NMT2: variants seen among roughly 807,000 people sequenced by gnomAD.
NMT2 encodes N-myristoyltransferase 2.
Under a neutral mutation model 65.4 loss-of-function variants are expected in NMT2, and 35 were observed. That is an observed-to-expected ratio of 0.54 (90% CI 0.41 to 0.71). NMT2 has a LOEUF of 0.71. NMT2 is among the 30% of genes least tolerant of loss of function. The probability of loss-of-function intolerance (pLI) is 0.00; values close to 1 mark genes in which losing one functional copy is unlikely to be tolerated. For missense variants in NMT2, 489 were observed against 611.3 expected, an observed-to-expected ratio of 0.80 and a Z score of 2.11; for synonymous variants, 226 against 231.8, an observed-to-expected ratio of 0.98 and a Z score of 0.23.
chr10:15,127,408 A>G lies in NMT2; in HGVS notation c.999+942T>C, dbSNP rs1277035821. On this transcript the variant is annotated intron_variant, in intron 8 of 11. Transcript: ENST00000378165. ...TAAAAATACAAAAAATTAGCCGGGC[A>G]TGCTGGCGGGCGCCTATAGTCCCAG... is the stretch of plus-strand genomic sequence containing the variant. Among the ~76,000 whole-genome samples the G allele has an allele frequency of 3.4e-5, 5 of 148,792 alleles. 1 individual carries two copies. The highest frequency in any genetic ancestry group is 6.7e-5 in the Admixed American group (1 of 14,896).
chr10:15,155,535 GTTTTTTTTTTTTTTTT>G (rs71390015), intron 1 of NMT2, among the ~76,000 whole-genome samples: 3 of 59,336 alleles, frequency 5.1e-5, no homozygotes, highest in East Asian at 6.3e-4. Context: ...TGCCGGGCTA[GTTTTTTTTTTTTTTTT>G]TTTTTTTTTT....
At chr10:15,113,463 C>CAAAA (rs1169255963) in intron 9 of NMT2, among the ~76,000 whole-genome samples, 415 of 36,226 alleles carry the variant, frequency 0.011, 2 homozygotes, top group Middle Eastern at 0.02. Context: ...GGATGAGACT[C>CAAAA]AAAAAAAAAA....
chr10:15,117,251 C>A (rs1845776240), intron 9 of NMT2, among the ~76,000 whole-genome samples: 1 of 152,078 alleles, frequency 6.6e-6, no homozygotes, highest in Admixed American at 6.6e-5. Flanking sequence ...CATTTGAAAA[C>A]CAATCAATGT....
At chr10:15,163,416 A>G (rs141867214) in intron 1 of NMT2, among the ~76,000 whole-genome samples, 1 of 152,366 alleles carries the variant, frequency 6.6e-6, no homozygotes, top group East Asian at 1.9e-4. Context: ...AACCCTGGAA[A>G]AAATTTGTTC....
rs1337914787 is a variant in NMT2 at position 15,130,268 on chromosome 10, T to A, written c.764A>T (p.Lys255Met). ...VEINFLCVHK[K>M]LRSKRVAPVL... ...TGGGGCTACCCGTTTCGATCTCAAC[T>A]TCTTATGAACACAAAGAAAGTTGAT... Residue 255 changes from lysine (K) to methionine (M), a missense_variant, in exon 7 of 12, where the codon AAG (lysine) becomes ATG (methionine). Coordinates refer to ENST00000378165, the MANE Select transcript of NMT2 (RefSeq NM_004808.3). 1 of 1,605,248 alleles carries A rather than the reference T, an allele frequency of 6.2e-7. No individual in the cohort carries two copies. Among genetic ancestry groups the A allele is most frequent in the Admixed American group, 1.7e-5 (1 of 59,184 alleles).
intron 1 of NMT2, among the ~76,000 whole-genome samples, chr10:15,158,346 T>G (rs975006819): frequency 4.0e-5 from 6 of 151,016 alleles, no homozygotes; most frequent in African/African-American, 1.5e-4. Context: ...TACATAAGCA[T>G]ATGCCAAGAG....
At chr10:15,139,863 C>A (rs1171618990) in intron 2 of NMT2, 3 of 69,564 alleles carry the variant, frequency 4.3e-5, no homozygotes, top group African/African-American at 1.0e-4. Context: ...GTAACAACTA[C>A]TATATATATA....
intron 1 of NMT2, among the ~76,000 whole-genome samples, chr10:15,152,295 C>A (rs12258742): frequency 0.098 from 14,953 of 152,110 alleles, 1,984 homozygotes; most frequent in African/African-American, 0.31. Flanking sequence ...CAAAAGGGAG[C>A]CAGAGGTCAT....
Position 15,119,532 on chromosome 10 carries a change from A to G in NMT2, c.1000-19T>C. 1.9e-6 allele frequency: 3 copies of G among 1,610,150 alleles called. No individual in the cohort carries two copies. Among genetic ancestry groups the G allele is most frequent in the Middle Eastern group, 1.9e-4 (1 of 5,242 alleles). ...TTGTAACCTTGTTGGAGGGGAAACA[A>G]AACAAATCCAGAAGTTCAGGTAGAA... On this transcript the variant is annotated intron_variant, in intron 8 of 11. Coordinates refer to ENST00000378165, the MANE Select transcript of NMT2 (RefSeq NM_004808.3).
intron 9 of NMT2, 44 bp downstream of exon 9, chr10:15,119,298 AG>A: frequency 1.3e-6 from 2 of 1,568,568 alleles, no homozygotes; most frequent in Non-Finnish European, 1.7e-6. Context: ...CTGAACACAA[AG>A]GGTGCTTCAA....
At chr10:15,162,760 AT>A (rs36094940) in intron 1 of NMT2, among the ~76,000 whole-genome samples, 1 of 148,064 alleles carries the variant, frequency 6.8e-6, no homozygotes, top group African/African-American at 2.5e-5. Flanking sequence ...ATATATATAT[AT>A]TTTATTTATA....
chr10:15,167,255 AACAACTTGCAAATGGGAGATGC>A (rs1158097056), intron 1 of NMT2, among the ~76,000 whole-genome samples: 5 of 152,220 alleles, frequency 3.3e-5, no homozygotes, highest in African/African-American at 1.2e-4. Flanking sequence ...CAAAGATAAA[AACAACTTGCAAATGGGAGATGC>A]ACATAGTCAG....
At chr10:15,137,812 A>G (rs1467572766) in intron 2 of NMT2, among the ~76,000 whole-genome samples, 1 of 152,182 alleles carries the variant, frequency 6.6e-6, no homozygotes, top group Non-Finnish European at 1.5e-5. Flanking sequence ...TGCAACAGAC[A>G]TGAATCAGCA....
chr10:15,135,127 CT>C (rs1846429802), intron 3 of NMT2, 146 bp downstream of exon 3: 1 of 834,944 alleles, frequency 1.2e-6, no homozygotes, highest in Admixed American at 2.3e-5. Context: ...AAATATTAGT[CT>C]TGCATAGATT....
At chr10:15,144,084 T>G (rs1846872384) in intron 1 of NMT2, among the ~76,000 whole-genome samples, 1 of 152,080 alleles carries the variant, frequency 6.6e-6, no homozygotes, top group South Asian at 2.1e-4. Flanking sequence ...ACATCAAAAC[T>G]TTTTTTTCTT....
intron 9 of NMT2, among the ~76,000 whole-genome samples, chr10:15,117,088 A>G (rs1399114790): frequency 6.6e-6 from 1 of 152,208 alleles, no homozygotes; most frequent in East Asian, 1.9e-4. Context: ...TATCTAAACC[A>G]GACAGACATT....
chr10:15,144,556 T>C (rs1029478876), intron 1 of NMT2, among the ~76,000 whole-genome samples: 5 of 152,040 alleles, frequency 3.3e-5, no homozygotes, highest in African/African-American at 1.2e-4. Context: ...ATGGTGAAAC[T>C]GCGTCTCTAC....
chr10:15,163,798 A>T (rs1833281541), intron 1 of NMT2, among the ~76,000 whole-genome samples: 1 of 152,228 alleles, frequency 6.6e-6, no homozygotes, highest in Admixed American at 6.5e-5. Flanking sequence ...ATGGTAGAAG[A>T]CAGATTATGT....
intron 1 of NMT2, among the ~76,000 whole-genome samples, chr10:15,144,696 A>T (rs1438735037): frequency 1.3e-5 from 2 of 151,884 alleles, no homozygotes; most frequent in Non-Finnish European, 2.9e-5. Context: ...GCACCACTGC[A>T]CTCCAGCCTG....
Sources: allele counts gnomAD v4.1 joint callset (sites outside exome capture counted in the v4.1 genomes callset), GRCh38; gene constraint gnomAD v4.1.1; transcripts MANE v1.5; gene names NCBI Gene and HGNC (gene_info 2026-07-23, HGNC 2026-07-21).